Variants in NEO1 observed in about 807,000 individuals in gnomAD.
NEO1 encodes the protein neogenin.
NEO1 carries 63 observed loss-of-function variants against 159.7 expected under a neutral mutation model. The observed-to-expected ratio is 0.39, with a 90% CI of 0.32 to 0.49. The LOEUF (loss-of-function observed/expected upper bound fraction) is 0.49. Ranked by LOEUF, NEO1 falls within the 20% of genes least tolerant of loss-of-function variation. The pLI, the probability that NEO1 is intolerant of heterozygous loss-of-function variation, is 0.85. For missense variants in NEO1, 1,615 were observed against 1,831.0 expected (o/e 0.88, Z 2.15); for synonymous variants, 633 against 662.0 (o/e 0.96, Z 0.67).
Position 73,116,724 on chromosome 15 carries a change from G to T in NEO1, c.315G>T (p.Pro105=). 2.5e-6 allele frequency: 4 copies of T among 1,613,818 alleles called. No individual in the cohort carries two copies. The South Asian group carries it at 4.4e-5, about 18-fold the overall frequency. Residue 105 remains proline, a synonymous_variant, in exon 2 of 29, where the codon CCG becomes CCT. Transcript: ENST00000261908. The stretch of plus-strand genomic sequence containing the variant: ...CAGATGATCGACGCCAGCTTCTCCC[G>T]GATGGATCTTTATTTATCAGCAATG... The part of the protein sequence containing the change: ...LVSDDRRQLL[P]DGSLFISNVV...
chr15:73,168,466 T>G (rs1200158199), intron 5 of NEO1, among the ~76,000 whole-genome samples: 1 of 151,170 alleles, frequency 6.6e-6, no homozygotes, highest in African/African-American at 2.4e-5. Flanking sequence ...CCCAAAGTGC[T>G]AGGATTACAG....
intron 1 of NEO1, among the ~76,000 whole-genome samples, chr15:73,078,654 T>C (rs1407342956): frequency 2.0e-5 from 3 of 152,188 alleles, no homozygotes; most frequent in Non-Finnish European, 4.4e-5. Flanking sequence ...CAGTAGATGC[T>C]CTATGTTTCT....
At chr15:73,225,873 T>TC (rs895824645) in intron 7 of NEO1, among the ~76,000 whole-genome samples, 6 of 152,234 alleles carry the variant, frequency 3.9e-5, no homozygotes, top group African/African-American at 7.2e-5. Context: ...GTGGTGTTTT[T>TC]CCCCACACTC....
At chr15:73,220,829 A>G (rs1484837060) in intron 7 of NEO1, among the ~76,000 whole-genome samples, 1 of 152,102 alleles carries the variant, frequency 6.6e-6, no homozygotes. Flanking sequence ...ACATTCGTCT[A>G]AATTTTTTTC....
chr15:73,143,371 A>G, intron 5 of NEO1: 1 of 157,086 alleles, frequency 6.4e-6, no homozygotes, highest in Non-Finnish European at 1.4e-5. Flanking sequence ...CCTACCTCCC[A>G]CTCCCGGGTC....
intron 7 of NEO1, among the ~76,000 whole-genome samples, chr15:73,208,047 A>G (rs2037335607): frequency 1.3e-5 from 2 of 152,340 alleles, no homozygotes; most frequent in Admixed American, 1.3e-4. Flanking sequence ...TACTAACTAA[A>G]CATTTTGATT....
chr15:73,121,757 G>A lies in NEO1; in HGVS notation c.449-768G>A, dbSNP rs539605162. On this transcript the variant is annotated intron_variant, in intron 2 of 28. Transcript: ENST00000261908. ...CCGACAGATTCTTGTCTTATTCAGTGGGTTATAATGCATGTTAATACCATT... is the reference window on the plus strand; with the variant it reads ...CCGACAGATTCTTGTCTTATTCAGTAGGTTATAATGCATGTTAATACCATT... Among the ~76,000 whole-genome samples the A allele has an allele frequency of 2.6e-5, 4 of 152,076 alleles. No homozygotes were observed. In the South Asian group the frequency reaches 8.3e-4, roughly 32 times the overall value.
In NEO1 at chr15:73,186,154, A is replaced by G. The variant is rs185478064; in HGVS notation, c.1291+7727A>G. On this transcript the variant is annotated intron_variant, in intron 7 of 28. Coordinates refer to ENST00000261908, the MANE Select transcript of NEO1 (RefSeq NM_002499.4). ...ACAGAGGAACAAAGATAAGAATTGCAGCAGACTTTTTGCCAGAAAAAAAAA... is the reference window on the plus strand; with the variant it reads ...ACAGAGGAACAAAGATAAGAATTGCGGCAGACTTTTTGCCAGAAAAAAAAA... 2.1e-3 allele frequency among the ~76,000 whole-genome samples: 317 copies of G among 151,702 alleles called. 1 individual carries two copies. The highest frequency in any genetic ancestry group is 7.3e-3 in the African/African-American group (302 of 41,204).
chr15:73,272,843 T>G (rs2041234433), intron 19 of NEO1, among the ~76,000 whole-genome samples: 1 of 151,978 alleles, frequency 6.6e-6, no homozygotes, highest in Non-Finnish European at 1.5e-5. Flanking sequence ...ACATTTATTT[T>G]CCTTAGGAAA....
At position 73,186,431 on chromosome 15, in the gene NEO1, A is replaced by AT. The variant is rs571850166; in HGVS notation, c.1291+8007dup. On this transcript the variant is annotated intron_variant, in intron 7 of 28. Coordinates refer to ENST00000261908, the MANE Select transcript of NEO1 (RefSeq NM_002499.4). ...GACCTTTTCAGAACAGAAACTGAGA[A>AT]TTTGTTGCTGACATACCCATGCTAC... Among the ~76,000 whole-genome samples the AT allele has an allele frequency of 2.6e-3, 396 of 152,304 alleles. 2 individuals are homozygous for AT. The highest frequency in any genetic ancestry group is 8.9e-3 in the African/African-American group (370 of 41,574).
intron 2 of NEO1, among the ~76,000 whole-genome samples, chr15:73,122,041 A>G (rs2071680009): frequency 8.2e-6 from 1 of 121,386 alleles, no homozygotes; most frequent in Admixed American, 8.4e-5. Flanking sequence ...GCTAGGAAAT[A>G]TATAGGGGTG....
chr15:73,176,690 T>G, intron 6 of NEO1, 133 bp downstream of exon 6: 1 of 606,184 alleles, frequency 1.6e-6, no homozygotes, highest in Non-Finnish European at 2.6e-6. Flanking sequence ...TCACATAGAA[T>G]GTAATACCTT....
At chr15:73,255,185 G>A (rs2040278822) in intron 13 of NEO1, 1 of 169,052 alleles carries the variant, frequency 5.9e-6, no homozygotes, top group Non-Finnish European at 1.3e-5. Context: ...GGTAACTGAG[G>A]TCTACAAAGT....
intron 7 of NEO1, among the ~76,000 whole-genome samples, chr15:73,227,406 G>A (rs2150798195): frequency 6.6e-6 from 1 of 152,254 alleles, no homozygotes; most frequent in Middle Eastern, 3.4e-3. Flanking sequence ...TGACGCAGGA[G>A]AATTGCTTGA....
At position 73,196,598 on chromosome 15, in the gene NEO1, G is replaced by A. The variant is rs375927806; in HGVS notation, c.1291+18171G>A. 2.8e-4 allele frequency among the ~76,000 whole-genome samples: 43 copies of A among 152,334 alleles called. 1 individual carries two copies. In the South Asian group the frequency reaches 8.7e-3, roughly 31 times the overall value. ...GTTCACATTGCATTTTGGCCCTAAT[G>A]AGTCTCCTAGCTATTCATCAACCAT... is the stretch of plus-strand genomic sequence containing the variant. On this transcript the variant is annotated intron_variant, in intron 7 of 28. Coordinates refer to ENST00000261908, the MANE Select transcript of NEO1 (RefSeq NM_002499.4).
chr15:73,260,164 C>T, intron 14 of NEO1, 107 bp from the exon 15 acceptor site: 1 of 896,540 alleles, frequency 1.1e-6, no homozygotes, highest in Non-Finnish European at 1.6e-6. Flanking sequence ...ATGTAAAAAA[C>T]TTAGCCCCAA....
At position 73,174,393 on chromosome 15, in the gene NEO1, A is replaced by G. The variant is rs144926381; in HGVS notation, c.1016-2010A>G. On this transcript the variant is annotated intron_variant, in intron 5 of 28. Transcript: ENST00000261908. ...TGGGGTGCTGTGGGCTGGACAGATG[A>G]TAAGCCGAAAATTGCCCACTGGGAT... Among the ~76,000 whole-genome samples the G allele has an allele frequency of 2.2e-3, 339 of 152,268 alleles. 1 individual carries two copies. Among genetic ancestry groups the G allele is most frequent in the African/African-American group, 8.0e-3 (331 of 41,562 alleles).
In NEO1 at chr15:73,256,282, C is replaced by G. The variant is rs1284961759; in HGVS notation, c.2092+1453C>G. On this transcript the variant is annotated intron_variant, in intron 13 of 28. Transcript: ENST00000261908. Reference sequence around the variant, plus strand: ...TGGGAGGCTGAGGCAGTTGGATCACCTGAGGTCAGGAGTTCAAGACCAGCC... The same window carrying G: ...TGGGAGGCTGAGGCAGTTGGATCACGTGAGGTCAGGAGTTCAAGACCAGCC... Among the ~76,000 whole-genome samples, 4 of 151,916 alleles carry G rather than the reference C, an allele frequency of 2.6e-5. No individual in the cohort carries two copies. The South Asian group carries it at 6.2e-4, about 24-fold the overall frequency.
intron 7 of NEO1, among the ~76,000 whole-genome samples, chr15:73,183,980 A>G (rs2035769712): frequency 6.6e-6 from 1 of 152,214 alleles, no homozygotes. Flanking sequence ...GTTGTTCAGC[A>G]TACCGTGTTC....
Sources: gnomAD v4.1 joint callset for allele counts (sites outside exome capture counted in the v4.1 genomes callset) on GRCh38, gnomAD v4.1.1 for gene constraint, MANE v1.5 for transcripts, NCBI Gene and HGNC (gene_info 2026-07-23, HGNC 2026-07-21) for gene names.